The following LARGE1 variants were observed in gnomAD, a reference collection of about 807,000 sequenced individuals.
LARGE1 encodes the protein xylosyl- and glucuronyltransferase LARGE1.
In LARGE1, 43 loss-of-function variants were observed where a neutral mutation model predicts 87.6. The ratio of observed to expected loss-of-function variants is 0.49; its 90% CI spans 0.38 to 0.63. LARGE1 has a LOEUF of 0.63. LARGE1 is among the 30% of genes least tolerant of loss of function. The probability of loss-of-function intolerance (pLI) is 0.00; values close to 1 mark genes in which losing one functional copy is unlikely to be tolerated. For missense variants in LARGE1, 802 were observed against 1,000.2 expected (o/e 0.80, Z 2.67); for synonymous variants, 434 against 394.6 (o/e 1.10, Z -1.18).
At chr22:33,416,077 G>A (rs2066475692) in intron 7 of LARGE1, among the ~76,000 whole-genome samples, 3 of 151,886 alleles carry the variant, frequency 2.0e-5, no homozygotes, top group Admixed American at 2.0e-4. Context: ...TGCCAATCTC[G>A]TGAGTCTACA....
chr22:33,496,924 GCTTT>G (rs1184613282), intron 6 of LARGE1, among the ~76,000 whole-genome samples: 1 of 151,824 alleles, frequency 6.6e-6, no homozygotes, highest in African/African-American at 2.4e-5. Context: ...TTTTATTTTT[GCTTT>G]CTGTTTATTT....
rs1442651805 is a variant in LARGE1 at position 33,369,587 on chromosome 22, CAG to C, written c.1131+12330_1131+12331del. On this transcript the variant is annotated intron_variant, in intron 9 of 14. Transcript: ENST00000397394. ...TTCTTTTTCTTTTTTATTTTTGAGACAGAGTCTTGCTCTATAGCCCAGACTGG... is the reference window on the plus strand; with the variant it reads ...TTCTTTTTCTTTTTTATTTTTGAGACAGTCTTGCTCTATAGCCCAGACTGG... 1.2e-4 allele frequency among the ~76,000 whole-genome samples: 18 copies of C among 152,146 alleles called. No homozygotes were observed. The East Asian group carries it at 3.1e-3, about 26-fold the overall frequency.
At chr22:33,665,401 A>G (rs1048240636) in intron 2 of LARGE1, among the ~76,000 whole-genome samples, 1 of 152,212 alleles carries the variant, frequency 6.6e-6, no homozygotes, top group African/African-American at 2.4e-5. Context: ...CTCAAAAGAC[A>G]CATCTTGATA....
intron 2 of LARGE1, among the ~76,000 whole-genome samples, chr22:33,741,710 G>T (rs940352412): frequency 6.6e-6 from 1 of 152,222 alleles, no homozygotes; most frequent in Non-Finnish European, 1.5e-5. Context: ...GAAAGCGACT[G>T]CACAGAAACA....
chr22:33,304,348 C>T lies in LARGE1; in HGVS notation c.1611G>A (p.Glu537=), dbSNP rs372629986. ...GCAGGTTCACGGGGTAGAACTGGCC[C>T]TCCTTGTACACGATGTGGTAGCCCA... The part of the protein sequence containing the change: ...HNVGYHIVYK[E]GQFYPVNLLR... The change falls in exon 12 of 15, where the codon GAG becomes GAA. Residue 537 remains glutamate, a synonymous_variant. Transcript: ENST00000397394. 1.6e-5 allele frequency: 26 copies of T among 1,614,164 alleles called. No individual in the cohort carries two copies. The highest frequency in any genetic ancestry group is 3.3e-4 in the Middle Eastern group (2 of 6,084).
At chr22:33,888,097 G>A (rs1025960659) in intron 1 of LARGE1, among the ~76,000 whole-genome samples, 5 of 152,118 alleles carry the variant, frequency 3.3e-5, no homozygotes, top group African/African-American at 1.2e-4. Flanking sequence ...TCCACAGTCA[G>A]GCCCCTCTGC....
intron 11 of LARGE1, among the ~76,000 whole-genome samples, chr22:33,209,004 C>T (rs1924825511): frequency 6.6e-6 from 1 of 152,176 alleles, no homozygotes; most frequent in Non-Finnish European, 1.5e-5. Flanking sequence ...AAAGTCTTTG[C>T]TATTGTGAAT....
the LARGE1 span, among the ~76,000 whole-genome samples, chr22:33,149,051 T>C: frequency 6.8e-6 from 1 of 146,214 alleles, no homozygotes; most frequent in Non-Finnish European, 1.5e-5. Context: ...TTTTTTTTTT[T>C]TTTTGAGACA....
chr22:33,136,473 C>T, the LARGE1 span, among the ~76,000 whole-genome samples: 1 of 152,166 alleles, frequency 6.6e-6, no homozygotes, highest in African/African-American at 2.4e-5. Context: ...CCAGGTCCCT[C>T]CCACAACATG....
At chr22:33,550,142 TACACAC>T (rs5845093) in intron 6 of LARGE1, among the ~76,000 whole-genome samples, 76 of 142,338 alleles carry the variant, frequency 5.3e-4, no homozygotes, top group African/African-American at 1.4e-3. Flanking sequence ...ACTTAAAGTA[TACACAC>T]ACACACACAC....
At chr22:33,457,661 T>C (rs986152259) in intron 6 of LARGE1, among the ~76,000 whole-genome samples, 1 of 152,094 alleles carries the variant, frequency 6.6e-6, no homozygotes, top group Admixed American at 6.6e-5. Context: ...AAAAGGAATG[T>C]AAGTAAAATC....
chr22:33,689,417 G>C (rs1023649750), intron 2 of LARGE1, among the ~76,000 whole-genome samples: 2 of 152,324 alleles, frequency 1.3e-5, no homozygotes, highest in Admixed American at 1.3e-4. Flanking sequence ...AAAACACAGA[G>C]AGATGAGACA....
At chr22:33,856,189 C>G (rs1370111511) in intron 1 of LARGE1, among the ~76,000 whole-genome samples, 1 of 152,178 alleles carries the variant, frequency 6.6e-6, no homozygotes, top group Non-Finnish European at 1.5e-5. Flanking sequence ...TGTGCAGAAT[C>G]CAACCAGAGT....
At chr22:33,381,205 G>T (rs2065143850) in intron 9 of LARGE1, among the ~76,000 whole-genome samples, 1 of 152,152 alleles carries the variant, frequency 6.6e-6, no homozygotes, top group African/African-American at 2.4e-5. Context: ...GTAAAAAAAT[G>T]AACCATCCAA....
At chr22:33,495,708 C>T (rs1315365619) in intron 6 of LARGE1, among the ~76,000 whole-genome samples, 1 of 152,170 alleles carries the variant, frequency 6.6e-6, no homozygotes, top group Non-Finnish European at 1.5e-5. Context: ...CAGAGTGAGA[C>T]TCTGTCTCAA....
chr22:33,560,102 A>C (rs1015446638), intron 6 of LARGE1, among the ~76,000 whole-genome samples: 6 of 152,198 alleles, frequency 3.9e-5, no homozygotes, highest in Non-Finnish European at 7.3e-5. Context: ...GTTTGGGTTC[A>C]AATCTCGGTT....
At chr22:33,572,212 C>T in intron 5 of LARGE1, 1 of 1,286,878 alleles carries the variant, frequency 7.8e-7, no homozygotes, top group Non-Finnish European at 1.0e-6. Flanking sequence ...AAAAAGAAGT[C>T]ATCCCAGCTG....
chr22:33,111,500 C>T, the LARGE1 span, among the ~76,000 whole-genome samples: 1 of 152,166 alleles, frequency 6.6e-6, no homozygotes, highest in Non-Finnish European at 1.5e-5. Flanking sequence ...TCCTGACCTT[C>T]CCACCCCCAA....
intron 6 of LARGE1, among the ~76,000 whole-genome samples, chr22:33,485,074 G>A (rs1462098831): frequency 6.6e-6 from 1 of 151,634 alleles, no homozygotes; most frequent in East Asian, 1.9e-4. Flanking sequence ...ACCACGCCCG[G>A]CTAATTTTTT....
Sources: allele counts gnomAD v4.1 joint callset (sites outside exome capture counted in the v4.1 genomes callset), GRCh38; gene constraint gnomAD v4.1.1; transcripts MANE v1.5; gene names NCBI Gene and HGNC (gene_info 2026-07-23, HGNC 2026-07-21).